The following SH3BP2 variants were observed in gnomAD, a reference collection of about 807,000 sequenced individuals.
The protein encoded by SH3BP2 is SH3 domain binding protein 2.
Under a neutral mutation model 56.2 loss-of-function variants are expected in SH3BP2, and 38 were observed. The observed-to-expected ratio is 0.68, with a 90% CI of 0.52 to 0.89. The LOEUF is 0.89. Ranked by LOEUF, SH3BP2 falls within the 40% of genes least tolerant of loss-of-function variation. The pLI is 0.00. For missense variants in SH3BP2, 748 were observed against 762.6 expected, an observed-to-expected ratio of 0.98 and a Z score of 0.23; for synonymous variants, 346 against 316.7, an observed-to-expected ratio of 1.09 and a Z score of -0.98.
chr4:2,833,679 C>G lies in SH3BP2; in HGVS notation c.1549-18C>G. The G allele has an allele frequency of 2.5e-6, 4 of 1,607,680 alleles. No homozygotes were observed. The highest frequency in any genetic ancestry group is 3.4e-6 in the Non-Finnish European group (4 of 1,177,206). On this transcript the variant is annotated intron_variant, in intron 12 of 12. Coordinates refer to ENST00000503393, the MANE Select transcript of SH3BP2 (RefSeq NM_001122681.2). ...GTGGCCTGGCCCTGCTGACGCTCCC[C>G]CTTCTCTTCCCCCACAGGACTCTAA... is the stretch of plus-strand genomic sequence containing the variant.
chr4:2,817,157 G>A (rs1724034758), intron 1 of SH3BP2, among the ~76,000 whole-genome samples: 2 of 152,258 alleles, frequency 1.3e-5, no homozygotes, highest in South Asian at 4.1e-4. Flanking sequence ...GGCAGGAGTG[G>A]CTGAATCAGG....
At chr4:2,822,474 A>G (rs571194113) in intron 2 of SH3BP2, among the ~76,000 whole-genome samples, 4 of 152,128 alleles carry the variant, frequency 2.6e-5, no homozygotes, top group Admixed American at 1.3e-4. Flanking sequence ...GGTTCAAGCA[A>G]TTCTCCTGCT....
intron 1 of SH3BP2, chr4:2,796,609 C>T (rs778361703): frequency 2.1e-5 from 5 of 239,692 alleles, no homozygotes; most frequent in African/African-American, 2.3e-5. Context: ...GTTGGCAGAG[C>T]GCCCTCGTGG....
intron 7 of SH3BP2, among the ~76,000 whole-genome samples, chr4:2,828,308 C>G (rs1724789091): frequency 6.6e-6 from 1 of 152,094 alleles, no homozygotes; most frequent in Non-Finnish European, 1.5e-5. Context: ...GCCCTGCCTC[C>G]TTGTTTTCCA....
intron 1 of SH3BP2, among the ~76,000 whole-genome samples, chr4:2,807,578 C>T (rs918785435): frequency 2.6e-5 from 4 of 152,106 alleles, no homozygotes; most frequent in Admixed American, 1.3e-4. Flanking sequence ...GATGAGGGAG[C>T]GTTTGGTTTC....
At chr4:2,820,167 C>A (rs1429417657) in intron 1 of SH3BP2, among the ~76,000 whole-genome samples, 1 of 152,208 alleles carries the variant, frequency 6.6e-6, no homozygotes, top group Non-Finnish European at 1.5e-5. Context: ...GTGCTCTTGG[C>A]TGCTCACTTG....
rs1016515984 is a variant in SH3BP2, at chr4:2,829,967, C to G, written c.1061C>G (p.Ala354Gly). 1 of 1,613,502 alleles carries G rather than the reference C, an allele frequency of 6.2e-7. No individual in the cohort carries two copies. The highest frequency in any genetic ancestry group is 1.3e-5 in the African/African-American group (1 of 75,048). Residue 354 changes from alanine (A) to glycine (G), a missense_variant, in exon 8 of 13, where the codon GCC becomes GGC. Physicochemically the swap from Ala to Gly is moderately conservative, Grantham distance 60 (BLOSUM62 0). Transcript: ENST00000503393. This position sits in a 1 kb window ranked among gnomAD's most constrained non-coding sequence, Gnocchi z 4.9. The part of the protein sequence containing the change: ...PPTSEPPPVP[A>G]NKPKFLKIAE... ...ACATCTGAGCCCCCACCTGTGCCAG[C>G]CAACAAGCCCAAGTTCCTGAAGATA...
rs1161375022 is a variant in SH3BP2, at chr4:2,838,088, T to C, written c.*4254T>C. 1 of 152,174 alleles carries C rather than the reference T, an allele frequency of 6.6e-6. No homozygotes were observed. The highest frequency in any genetic ancestry group is 1.5e-5 in the Non-Finnish European group (1 of 68,050). The allele number at this position is 152,174 out of a possible 1,614,324, so 9.4% of individuals were successfully genotyped here. A position where few individuals can be genotyped will look rare whatever the true frequency, so the allele number is the denominator to read the frequency against. On this transcript the variant is annotated 3_prime_UTR_variant, in exon 13 of 13. Coordinates refer to ENST00000503393, the MANE Select transcript of SH3BP2 (RefSeq NM_001122681.2). ...CTTCCCTGGCCCCACTCTGAGGGGC[T>C]CAGAGCTGAGGCAGAATCCCTTTTT...
intron 6 of SH3BP2, 53 bp from the exon 7 acceptor site, chr4:2,827,553 G>A (rs1313678938): frequency 5.2e-6 from 8 of 1,538,116 alleles, no homozygotes; most frequent in South Asian, 1.2e-5. Flanking sequence ...AGCATTGCTC[G>A]GAGACTGGGC....
At chr4:2,833,203 C>G (rs545936581) in intron 12 of SH3BP2, 154 bp downstream of exon 12, 1 of 717,588 alleles carries the variant, frequency 1.4e-6, no homozygotes, top group Admixed American at 2.0e-5. Context: ...GCTCACCCCC[C>G]ACCCCTCCTG....
At chr4:2,801,016 G>A (rs564790272) in intron 1 of SH3BP2, among the ~76,000 whole-genome samples, 8 of 123,952 alleles carry the variant, frequency 6.5e-5, no homozygotes, top group Non-Finnish European at 1.1e-4. Context: ...CTGGGCTGTG[G>A]GCGGCCTGGC....
chr4:2,798,076 C>T lies in SH3BP2; in HGVS notation c.-5+4938C>T, dbSNP rs553731428. Among the ~76,000 whole-genome samples, 66 of 152,262 alleles carry T rather than the reference C, an allele frequency of 4.3e-4. No homozygotes were observed. The Middle Eastern group carries it at 0.01, about 24-fold the overall frequency. ...CCTCCTCCCTTCCCCCTGCGGGCTG[C>T]GCTGTGACAGCCACCGCTGCCTGCC... On this transcript the variant is annotated intron_variant, in intron 1 of 12. Coordinates refer to ENST00000503393, the MANE Select transcript of SH3BP2 (RefSeq NM_001122681.2).
At chr4:2,823,087 C>A (rs888386251) in intron 3 of SH3BP2, 50 bp downstream of exon 3, 2 of 1,360,400 alleles carry the variant, frequency 1.5e-6, no homozygotes, top group South Asian at 1.2e-5. Flanking sequence ...GCCAGCGGGT[C>A]CCTCCCAGCA....
intron 2 of SH3BP2, among the ~76,000 whole-genome samples, chr4:2,822,712 G>A (rs1007886277): frequency 1.3e-5 from 2 of 152,204 alleles, no homozygotes; most frequent in Admixed American, 1.3e-4. Flanking sequence ...GCCCTCGGGT[G>A]GCACTCTGGG....
At chr4:2,815,491 C>A (rs1023684546) in intron 1 of SH3BP2, among the ~76,000 whole-genome samples, 3 of 152,242 alleles carry the variant, frequency 2.0e-5, no homozygotes, top group Non-Finnish European at 2.9e-5. Context: ...CCCTCACAGG[C>A]CTGCCCCTAT....
At chr4:2,827,043 G>T (rs553362769) in intron 5 of SH3BP2, 187 bp from the exon 6 acceptor site, 1 of 689,050 alleles carries the variant, frequency 1.5e-6, no homozygotes, top group Non-Finnish European at 2.6e-6. Context: ...GTCTGTCAGC[G>T]TATCCGTGTG....
intron 1 of SH3BP2, among the ~76,000 whole-genome samples, chr4:2,807,205 G>A (rs1723570937): frequency 6.6e-6 from 1 of 152,202 alleles, no homozygotes; most frequent in Admixed American, 6.5e-5. Flanking sequence ...GTCCAGGGGT[G>A]TGGAAGGGCC....
In SH3BP2 at chr4:2,833,771, C is replaced by T. The variant is rs779748713; in HGVS notation, c.1623C>T (p.His541=). Residue 541 remains histidine, a synonymous_variant, in exon 13 of 13, where the codon CAC becomes CAT. Coordinates refer to ENST00000503393, the MANE Select transcript of SH3BP2 (RefSeq NM_001122681.2). ...VGSMVEHYHT[H]VLPSHQSLLL... is the part of the protein sequence containing the mutation. ...GCATGGTGGAGCACTACCACACCCA[C>T]GTGCTGCCCAGCCACCAGAGCCTGC... 36 of 1,600,406 alleles carry T rather than the reference C, an allele frequency of 2.2e-5. No homozygotes were observed. Among genetic ancestry groups the T allele is most frequent in the African/African-American group, 5.4e-5 (4 of 74,632 alleles).
At chr4:2,823,101 C>A in intron 3 of SH3BP2, 64 bp downstream of exon 3, 1 of 1,193,974 alleles carries the variant, frequency 8.4e-7, no homozygotes. Context: ...CCCAGCAGAG[C>A]CCCAGCTGGG....
Sources: allele counts gnomAD v4.1 joint callset (sites outside exome capture counted in the v4.1 genomes callset), GRCh38; gene constraint gnomAD v4.1.1; non-coding constraint Gnocchi (gnomAD v3.1); transcripts MANE v1.5; gene names NCBI Gene and HGNC (gene_info 2026-07-23, HGNC 2026-07-21).